NTRK2: variants seen among roughly 807,000 people sequenced by gnomAD.
The protein encoded by NTRK2 is neurotrophic receptor tyrosine kinase 2.
In NTRK2, 13 loss-of-function variants were observed where a neutral mutation model predicts 94.5. The ratio of observed to expected loss-of-function variants is 0.14; its 90% CI spans 0.09 to 0.22. The LOEUF (loss-of-function observed/expected upper bound fraction) is 0.22. Ranked by LOEUF, NTRK2 falls within the 10% of genes least tolerant of loss-of-function variation. The probability of loss-of-function intolerance (pLI) is 1.00; values close to 1 mark genes in which losing one functional copy is unlikely to be tolerated. For synonymous variants in NTRK2, 372 were observed against 407.4 expected, an observed-to-expected ratio of 0.91 and a Z score of 1.05; for missense variants, 639 against 1,071.2, an observed-to-expected ratio of 0.60 and a Z score of 5.63.
At chr9:84,920,824 T>A (rs1179224469) in intron 14 of NTRK2, among the ~76,000 whole-genome samples, 3 of 152,220 alleles carry the variant, frequency 2.0e-5, no homozygotes, top group African/African-American at 7.2e-5. Flanking sequence ...AGCATTAGAA[T>A]CTTTCAGCCA....
At chr9:84,814,690 G>A (rs1431186130) in intron 12 of NTRK2, 1 of 1,064,710 alleles carries the variant, frequency 9.4e-7, no homozygotes, top group Non-Finnish European at 1.1e-6. Flanking sequence ...CACTACACTA[G>A]AAGTTTATTT....
chr9:84,718,694 G>A lies in NTRK2; in HGVS notation c.584-4879G>A, dbSNP rs1053977931. ...AGTAGAGCTAGCAGCTCTTGGAAACGTTGCTGGGCTTTGCTGTGTACTTGT... is the reference window on the plus strand; with the variant it reads ...AGTAGAGCTAGCAGCTCTTGGAAACATTGCTGGGCTTTGCTGTGTACTTGT... On this transcript the variant is annotated intron_variant, in intron 6 of 18. Transcript: ENST00000277120. Among the ~76,000 whole-genome samples, 12 of 152,322 alleles carry A rather than the reference G, an allele frequency of 7.9e-5. No individual in the cohort carries two copies. The South Asian group carries it at 1.0e-3, about 13-fold the overall frequency.
At chr9:84,840,227 T>C (rs1473105242) in intron 12 of NTRK2, among the ~76,000 whole-genome samples, 1 of 151,638 alleles carries the variant, frequency 6.6e-6, no homozygotes, top group East Asian at 1.9e-4. Context: ...CATCCTCTGC[T>C]ACCTTGATGC....
chr9:84,840,369 T>G (rs2074111072), intron 12 of NTRK2, among the ~76,000 whole-genome samples: 2 of 151,832 alleles, frequency 1.3e-5, no homozygotes, highest in African/African-American at 4.8e-5. Flanking sequence ...ACTGTTTTTT[T>G]GAGAAAATCA....
chr9:84,893,466 C>T (rs2076655038), intron 14 of NTRK2, among the ~76,000 whole-genome samples: 2 of 152,162 alleles, frequency 1.3e-5, no homozygotes, highest in Admixed American at 6.5e-5. Flanking sequence ...TTTTGGAGCA[C>T]TTGACCCCAT....
chr9:84,826,975 G>T (rs562716721), intron 12 of NTRK2, among the ~76,000 whole-genome samples: 1 of 152,192 alleles, frequency 6.6e-6, no homozygotes. Flanking sequence ...AAAGAAGGGG[G>T]TTTGGCAGGT....
At chr9:85,010,299 A>C (rs1470110834) in intron 17 of NTRK2, among the ~76,000 whole-genome samples, 2 of 152,210 alleles carry the variant, frequency 1.3e-5, no homozygotes, top group Admixed American at 1.3e-4. Flanking sequence ...AGACAATGAC[A>C]CACATATTGA....
At chr9:84,891,811 T>G (rs550354854) in intron 14 of NTRK2, among the ~76,000 whole-genome samples, 1 of 152,334 alleles carries the variant, frequency 6.6e-6, no homozygotes, top group East Asian at 1.9e-4. Context: ...TAGAGAAGTA[T>G]GGGAAAGACC....
At chr9:84,821,880 T>A (rs2072871091) in intron 12 of NTRK2, among the ~76,000 whole-genome samples, 3 of 151,838 alleles carry the variant, frequency 2.0e-5, no homozygotes, top group Admixed American at 2.0e-4. Context: ...ATTGCTGTGT[T>A]CTTTCTTTTC....
At chr9:84,790,553 A>G (rs2068625735) in intron 12 of NTRK2, among the ~76,000 whole-genome samples, 1 of 152,334 alleles carries the variant, frequency 6.6e-6, no homozygotes, top group Non-Finnish European at 1.5e-5. Context: ...TAACCAAGAA[A>G]CAGAGCTTGA....
chr9:84,694,117 C>T (rs1472011000), intron 2 of NTRK2, among the ~76,000 whole-genome samples: 2 of 152,164 alleles, frequency 1.3e-5, no homozygotes, highest in Non-Finnish European at 2.9e-5. Context: ...AGTCCTAGAG[C>T]GTGGTACAGT....
chr9:84,727,462 G>C (rs1228165297), intron 8 of NTRK2, among the ~76,000 whole-genome samples, 192 bp from the exon 9 acceptor site: 1 of 152,142 alleles, frequency 6.6e-6, no homozygotes, highest in African/African-American at 2.4e-5. Flanking sequence ...GAGTCTCTCT[G>C]AAGCTCTCTT....
intron 12 of NTRK2, among the ~76,000 whole-genome samples, chr9:84,801,237 A>T (rs957511201): frequency 6.6e-6 from 1 of 152,166 alleles, no homozygotes; most frequent in African/African-American, 2.4e-5. Flanking sequence ...CTCAGGAGGG[A>T]AAGGGATAGG....
At chr9:84,906,559 T>A (rs908865365) in intron 14 of NTRK2, among the ~76,000 whole-genome samples, 1 of 152,192 alleles carries the variant, frequency 6.6e-6, no homozygotes, top group African/African-American at 2.4e-5. Flanking sequence ...ACACTTGATT[T>A]GGTTCTTCCA....
chr9:84,722,330 T>G (rs1333364751), intron 6 of NTRK2, among the ~76,000 whole-genome samples: 1 of 152,118 alleles, frequency 6.6e-6, no homozygotes, highest in Non-Finnish European at 1.5e-5. Flanking sequence ...AAATATAGAC[T>G]GTACAAATCT....
intron 12 of NTRK2, among the ~76,000 whole-genome samples, chr9:84,767,011 T>C (rs2066099671): frequency 6.6e-6 from 1 of 152,188 alleles, no homozygotes; most frequent in Non-Finnish European, 1.5e-5. Flanking sequence ...GTTGTAATTG[T>C]TACCCATCAC....
intron 14 of NTRK2, 40 bp from the exon 15 acceptor site, chr9:84,934,122 A>G (rs768023596): frequency 1.9e-6 from 3 of 1,612,718 alleles, no homozygotes; most frequent in Non-Finnish European, 2.5e-6. Context: ...TCACCTCCAC[A>G]TGCTTCAATT....
chr9:84,714,232 A>G (rs1025836729), intron 6 of NTRK2, among the ~76,000 whole-genome samples: 3 of 151,666 alleles, frequency 2.0e-5, no homozygotes, highest in Non-Finnish European at 4.4e-5. Context: ...TTTTTTTGTG[A>G]CTGAAATGCC....
rs566477659 is a variant in NTRK2 at position 84,868,764 on chromosome 9, C to T, written c.1633+1333C>T. 9.1e-4 allele frequency among the ~76,000 whole-genome samples: 138 copies of T among 152,232 alleles called. 1 individual carries two copies. Among genetic ancestry groups the T allele is most frequent in the African/African-American group, 3.2e-3 (133 of 41,552 alleles). On this transcript the variant is annotated intron_variant, in intron 14 of 18. Transcript: ENST00000277120. Reference sequence around the variant, plus strand: ...TCCTTGGAATGCCCTGTACACAGAACTGTCAAATAAGGAGTAAGACTAAGC... The same window carrying T: ...TCCTTGGAATGCCCTGTACACAGAATTGTCAAATAAGGAGTAAGACTAAGC...
Sources: allele counts gnomAD v4.1 joint callset (sites outside exome capture counted in the v4.1 genomes callset), GRCh38; gene constraint gnomAD v4.1.1; transcripts MANE v1.5; gene names NCBI Gene and HGNC (gene_info 2026-07-23, HGNC 2026-07-21).